SPECC1: variants seen among roughly 807,000 people sequenced by gnomAD.
SPECC1 encodes the protein sperm antigen with calponin homology and coiled-coil domains 1.
In SPECC1, 62 loss-of-function variants were observed where a neutral mutation model predicts 104.1. The ratio of observed to expected loss-of-function variants is 0.60; its 90% CI spans 0.49 to 0.74. The LOEUF (loss-of-function observed/expected upper bound fraction) is 0.74, where lower values mean the gene tolerates loss of function less well. Among genes scored for constraint, SPECC1 ranks in the 30% least tolerant of loss-of-function variants. The pLI is 0.00. For missense variants in SPECC1, 1,306 were observed against 1,310.5 expected (o/e 1.00, Z 0.05); for synonymous variants, 513 against 501.6 (o/e 1.02, Z -0.30).
intron 3 of SPECC1, among the ~76,000 whole-genome samples, chr17:20,181,172 A>G (rs189807462): frequency 2.6e-5 from 4 of 152,290 alleles, no homozygotes; most frequent in Non-Finnish European, 4.4e-5. Context: ...AACTGAATCT[A>G]TAGTCAGGAA....
intron 14 of SPECC1, among the ~76,000 whole-genome samples, chr17:20,308,693 G>C (rs1434122953): frequency 6.6e-6 from 1 of 152,166 alleles, no homozygotes; most frequent in Non-Finnish European, 1.5e-5. Flanking sequence ...CCCAGATTTT[G>C]CTAAATCTTT....
chr17:20,157,474 TA>T (rs1398469970), intron 3 of SPECC1, among the ~76,000 whole-genome samples: 1 of 152,132 alleles, frequency 6.6e-6, no homozygotes, highest in Non-Finnish European at 1.5e-5. Context: ...ATGCATAAAA[TA>T]AAAATAATAT....
chr17:20,166,635 A>C (rs2033671716), intron 3 of SPECC1, among the ~76,000 whole-genome samples: 1 of 152,224 alleles, frequency 6.6e-6, no homozygotes, highest in Non-Finnish European at 1.5e-5. Context: ...GGACATTCAA[A>C]AGAAAAGAAA....
intron 3 of SPECC1, among the ~76,000 whole-genome samples, chr17:20,183,625 G>T (rs191197320): frequency 6.6e-6 from 1 of 152,050 alleles, no homozygotes. Flanking sequence ...TTTAAACTAC[G>T]CACATTCTCC....
intron 1 of SPECC1, chr17:20,095,621 A>T (rs1185256111): frequency 6.6e-6 from 1 of 152,306 alleles, no homozygotes; most frequent in Admixed American, 6.5e-5. Context: ...AGAGGCAGCC[A>T]GGGACGCTAG....
At chr17:20,247,650 ATTC>A (rs2039474877) in intron 9 of SPECC1, among the ~76,000 whole-genome samples, 1 of 152,230 alleles carries the variant, frequency 6.6e-6, no homozygotes. Flanking sequence ...TGCAGAAACG[ATTC>A]TTTTTATAAA....
intron 10 of SPECC1, among the ~76,000 whole-genome samples, chr17:20,255,644 C>CAGTG (rs2039798061): frequency 6.6e-6 from 1 of 152,130 alleles, no homozygotes; most frequent in Non-Finnish European, 1.5e-5. Flanking sequence ...TAGCTCACTA[C>CAGTG]AGCCTCAAAC....
chr17:20,210,651 T>G (rs2037079384), intron 4 of SPECC1, among the ~76,000 whole-genome samples: 1 of 152,222 alleles, frequency 6.6e-6, no homozygotes, highest in Admixed American at 6.5e-5. Flanking sequence ...TGGGGGTGGC[T>G]TTTGGTGGGG....
At chr17:20,264,991 G>T (rs2040169728) in intron 12 of SPECC1, among the ~76,000 whole-genome samples, 1 of 152,074 alleles carries the variant, frequency 6.6e-6, no homozygotes, top group Admixed American at 6.5e-5. Context: ...GTATTTCCAT[G>T]GTGTATATTT....
intron 7 of SPECC1, chr17:20,236,745 A>G (rs2038937258): frequency 7.0e-6 from 10 of 1,423,514 alleles, no homozygotes; most frequent in East Asian, 4.7e-5. Flanking sequence ...TATCCTGGAC[A>G]TTAGCTTTTC....
At chr17:20,287,143 C>T (rs985592447) in intron 12 of SPECC1, among the ~76,000 whole-genome samples, 6 of 152,202 alleles carry the variant, frequency 3.9e-5, no homozygotes, top group Admixed American at 1.3e-4. Flanking sequence ...TTTGGCCGGG[C>T]GCGGGTGCTC....
intron 1 of SPECC1, among the ~76,000 whole-genome samples, chr17:20,066,596 TC>T (rs746105563): frequency 1.3e-5 from 2 of 152,210 alleles, no homozygotes; most frequent in Non-Finnish European, 2.9e-5. Context: ...GGAGGAGAGT[TC>T]CTGCAAAGGA....
rs1430850633 is a variant in SPECC1 at position 20,238,729 on chromosome 17, T to C, written c.2351+6324T>C. The C allele has an allele frequency of 1.2e-5, 13 of 1,042,344 alleles. No homozygotes were observed. In the South Asian group the frequency reaches 5.0e-4, roughly 40 times the overall value. 64.6% of individuals were successfully genotyped at this position (1,042,344 alleles called of 1,614,324 possible). On this transcript the variant is annotated intron_variant, in intron 7 of 14. Coordinates refer to ENST00000395527, the MANE Select transcript of SPECC1 (RefSeq NM_001243439.2). ...AGTTCTTAGGATTATTTAAAATTCA[T>C]TTGCTGGATGTTTTCAAGTATAAAC...
intron 10 of SPECC1, among the ~76,000 whole-genome samples, chr17:20,254,134 CGTGT>C (rs71357419): frequency 0.017 from 2,290 of 135,850 alleles, 19 homozygotes; most frequent in East Asian, 0.063. Context: ...GTTGTTACAC[CGTGT>C]GTGTGTGTGT....
At position 20,253,384 on chromosome 17, in the gene SPECC1, C is replaced by G. The variant is rs1261667074; in HGVS notation, c.2599-121C>G. 6 of 876,100 alleles carry G rather than the reference C, an allele frequency of 6.8e-6. No individual in the cohort carries two copies. In the East Asian group the frequency reaches 1.6e-4, roughly 24 times the overall value. 54.3% of individuals were successfully genotyped at this position (876,100 alleles called of 1,614,324 possible). A position where few individuals can be genotyped will look rare whatever the true frequency, so the allele number is the denominator to read the frequency against. On this transcript the variant is annotated intron_variant, in intron 9 of 14. Coordinates refer to ENST00000395527, the MANE Select transcript of SPECC1 (RefSeq NM_001243439.2). ...ATAAATGAGTTAATTAAAAACTCCC[C>G]TGGTTATTCCACTGTGTTTAAGAAC...
intron 1 of SPECC1, among the ~76,000 whole-genome samples, chr17:20,055,094 G>A (rs755551468): frequency 2.0e-5 from 3 of 152,006 alleles, no homozygotes; most frequent in Admixed American, 6.6e-5. Flanking sequence ...CTCGTTTCCC[G>A]CCCTGCAGCT....
chr17:20,294,507 A>G (rs2041277063), intron 12 of SPECC1, among the ~76,000 whole-genome samples: 1 of 152,138 alleles, frequency 6.6e-6, no homozygotes, highest in Admixed American at 6.5e-5. Context: ...ACAGTCTTGT[A>G]GGTCTTTAAG....
chr17:20,250,477 A>G (rs2039580646), intron 9 of SPECC1, among the ~76,000 whole-genome samples: 1 of 152,260 alleles, frequency 6.6e-6, no homozygotes. Flanking sequence ...AATATTATAT[A>G]TTACTACTTT....
At chr17:20,019,275 CAGT>C in intron 1 of SPECC1, among the ~76,000 whole-genome samples, 1 of 151,034 alleles carries the variant, frequency 6.6e-6, no homozygotes, top group East Asian at 1.9e-4. Flanking sequence ...TTTTAAAAAG[CAGT>C]CTTAGGCCTG....
Sources: allele counts gnomAD v4.1 joint callset (sites outside exome capture counted in the v4.1 genomes callset), GRCh38; gene constraint gnomAD v4.1.1; transcripts MANE v1.5; gene names NCBI Gene and HGNC (gene_info 2026-07-23, HGNC 2026-07-21).